The following AFF4 variants were observed in gnomAD, a reference collection of about 807,000 sequenced individuals.
AFF4 encodes the protein ALF transcription elongation factor 4.
Under a neutral mutation model 124.8 loss-of-function variants are expected in AFF4, and 13 were observed. The observed-to-expected ratio is 0.10, with a 90% CI of 0.07 to 0.17. The LOEUF is 0.17. Among genes scored for constraint, AFF4 ranks in the 10% least tolerant of loss-of-function variants. The pLI is 1.00. For synonymous variants in AFF4, 477 were observed against 496.1 expected (o/e 0.96, Z 0.51); for missense variants, 1,092 against 1,403.8 (o/e 0.78, Z 3.55).
chr5:132,897,384 CTGAGTATTGACTA>C, intron 10 of AFF4, 144 bp from the exon 11 acceptor site: 8 of 848,124 alleles, frequency 9.4e-6, no homozygotes, highest in Non-Finnish European at 1.3e-5. Flanking sequence ...AAGCAAAGGG[CTGAGTATTGACTA>C]TTAGCTCTTA....
At chr5:132,929,820 G>A (rs1761260106) in intron 4 of AFF4, among the ~76,000 whole-genome samples, 1 of 152,154 alleles carries the variant, frequency 6.6e-6, no homozygotes, top group Admixed American at 6.5e-5. Context: ...AGACCACAGG[G>A]CCTGAAGTAA....
chr5:132,886,770 A>G (rs1247907941), intron 17 of AFF4, among the ~76,000 whole-genome samples: 1 of 152,250 alleles, frequency 6.6e-6, no homozygotes, highest in Non-Finnish European at 1.5e-5. Flanking sequence ...CAAATATTAC[A>G]AACCACAACA....
At chr5:132,947,542 AAC>A (rs1200527368) in intron 1 of AFF4, among the ~76,000 whole-genome samples, 6 of 152,170 alleles carry the variant, frequency 3.9e-5, no homozygotes, top group Admixed American at 1.3e-4. Context: ...CCTACTGAAA[AAC>A]AGAGTCATTC....
At chr5:132,919,035 C>CAT (rs1422411143) in intron 5 of AFF4, among the ~76,000 whole-genome samples, 1 of 151,988 alleles carries the variant, frequency 6.6e-6, no homozygotes, top group Non-Finnish European at 1.5e-5. Flanking sequence ...TGTGCACCAC[C>CAT]ATGCCCCGTG....
chr5:132,887,127 G>A (rs535928033), intron 17 of AFF4, among the ~76,000 whole-genome samples: 2 of 152,258 alleles, frequency 1.3e-5, no homozygotes, highest in East Asian at 1.9e-4. Flanking sequence ...TGTAACAATC[G>A]AACTGATAAT....
At chr5:132,911,007 G>A (rs1760781605) in intron 5 of AFF4, among the ~76,000 whole-genome samples, 1 of 152,126 alleles carries the variant, frequency 6.6e-6, no homozygotes, top group South Asian at 2.1e-4. Flanking sequence ...TCCCTCTGGT[G>A]CCAATGAAGT....
At chr5:132,944,804 C>G (rs1761657290) in intron 1 of AFF4, among the ~76,000 whole-genome samples, 1 of 151,688 alleles carries the variant, frequency 6.6e-6, no homozygotes, top group Non-Finnish European at 1.5e-5. Context: ...GTGGCAGGCG[C>G]CTGTAATCCC....
At position 132,880,855 on chromosome 5, in the gene AFF4, T is replaced by C. The variant is rs1189268662; in HGVS notation, c.*204A>G. 1 of 480,062 alleles carries C rather than the reference T, an allele frequency of 2.1e-6. No homozygotes were observed. The highest frequency in any genetic ancestry group is 2.0e-5 in the African/African-American group (1 of 49,990). The allele number at this position is 480,062 out of a possible 1,614,324, so 29.7% of individuals were successfully genotyped here. ...TCAATGTGCTGCAGATTTAAAAGCA[T>C]TTAAATAATCTTTCACATTGGAAAT... On this transcript the variant is annotated 3_prime_UTR_variant, in exon 21 of 21. Coordinates refer to ENST00000265343, the MANE Select transcript of AFF4 (RefSeq NM_014423.4).
intron 8 of AFF4, 140 bp from the exon 9 acceptor site, chr5:132,899,281 T>C (rs575335276): frequency 1.3e-6 from 1 of 772,396 alleles, no homozygotes; most frequent in South Asian, 2.1e-5. Flanking sequence ...ATACTGTTTT[T>C]ACCTGAAGAG....
Position 132,876,398 on chromosome 5 carries a change from A to C in AFF4, c.*4661T>G, listed in dbSNP as rs1352327633. ...AGGAACATAGCAGGTAGAAAATTCC[A>C]ATGGTTAAAAGCTGAAAAGAAGTCC... On this transcript the variant is annotated 3_prime_UTR_variant, in exon 21 of 21. Coordinates refer to ENST00000265343, the MANE Select transcript of AFF4 (RefSeq NM_014423.4). The C allele has an allele frequency of 8.8e-6, 2 of 226,518 alleles. No individual in the cohort carries two copies. The highest frequency in any genetic ancestry group is 1.3e-4 in the East Asian group (2 of 15,702). The allele number at this position is 226,518 out of a possible 1,614,324, so 14.0% of individuals were successfully genotyped here. A position where few individuals can be genotyped will look rare whatever the true frequency, so the allele number is the denominator to read the frequency against.
intron 5 of AFF4, among the ~76,000 whole-genome samples, chr5:132,911,542 A>G (rs904935797): frequency 6.6e-6 from 1 of 152,004 alleles, no homozygotes; most frequent in Non-Finnish European, 1.5e-5. Context: ...GCAATACAGT[A>G]TAAGACCTCC....
chr5:132,892,015 T>A (rs1053679148), intron 13 of AFF4, 149 bp downstream of exon 13: 287 of 1,185,994 alleles, frequency 2.4e-4, no homozygotes, highest in African/African-American at 6.7e-4. Flanking sequence ...CTGTATTCAT[T>A]TATCAGGATT....
rs779909037 is a variant in AFF4, at chr5:132,892,261, C to T, written c.2540G>A (p.Ser847Asn). 6.2e-7 allele frequency: 1 copy of T among 1,614,074 alleles called. No homozygotes were observed. Among genetic ancestry groups the T allele is most frequent in the South Asian group, 1.1e-5 (1 of 91,082 alleles). Residue 847 changes from serine (S) to asparagine (N), a missense_variant, in exon 13 of 21, where the codon AGC becomes AAC. Ser to Asn is a conservative substitution (Grantham distance 46). Around this residue, in one of 11 missense-constraint regions of AFF4, gnomAD observed 293 missense variants for 280.2 expected, o/e 1.05. Transcript: ENST00000265343. Reference sequence around the variant, plus strand: ...GCTGCTGCCACTCGTCTCCTTGTTGCTGTTACTGCTTGACTTTAAGGAAGA... The same window carrying T: ...GCTGCTGCCACTCGTCTCCTTGTTGTTGTTACTGCTTGACTTTAAGGAAGA... ...QSSSLKSSSN[S>N]NKETSGSSKN...
At position 132,880,906 on chromosome 5, in the gene AFF4, C is replaced by T; in HGVS notation, c.*153G>A. 2.2e-6 allele frequency: 2 copies of T among 928,546 alleles called. No homozygotes were observed. The highest frequency in any genetic ancestry group is 3.1e-6 in the Non-Finnish European group (2 of 646,646). 57.5% of individuals were successfully genotyped at this position (928,546 alleles called of 1,614,324 possible). A position where few individuals can be genotyped will look rare whatever the true frequency, so the allele number is the denominator to read the frequency against. On this transcript the variant is annotated 3_prime_UTR_variant, in exon 21 of 21. Coordinates refer to ENST00000265343, the MANE Select transcript of AFF4 (RefSeq NM_014423.4). ...ATTAAAGGGCCAACTGACATGATCGCTTTGGATTATCAAAAACAACAACAC... is the reference window on the plus strand; with the variant it reads ...ATTAAAGGGCCAACTGACATGATCGTTTTGGATTATCAAAAACAACAACAC...
chr5:132,885,261 TG>T, intron 18 of AFF4, 142 bp from the exon 19 acceptor site: 1 of 470,752 alleles, frequency 2.1e-6, no homozygotes, highest in South Asian at 3.5e-5. Context: ...TGTGTGTGTG[TG>T]TGTGTGTGTG....
intron 1 of AFF4, chr5:132,937,502 T>C (rs559044369): frequency 5.7e-6 from 1 of 176,988 alleles, no homozygotes; most frequent in Non-Finnish European, 1.2e-5. Context: ...AGAGGGAACG[T>C]AGTATTTGAA....
intron 20 of AFF4, among the ~76,000 whole-genome samples, chr5:132,881,826 AGT>A (rs764161760): frequency 6.7e-6 from 1 of 148,312 alleles, no homozygotes; most frequent in Non-Finnish European, 1.5e-5. Context: ...AATACAAAAA[AGT>A]TTTTTTTTTT....
chr5:132,940,065 T>C (rs1450018645), intron 1 of AFF4, among the ~76,000 whole-genome samples: 1 of 152,014 alleles, frequency 6.6e-6, no homozygotes, highest in Non-Finnish European at 1.5e-5. Context: ...CCTGCCGTGG[T>C]AGCAGGTGCC....
chr5:132,938,880 T>C (rs898836635), intron 1 of AFF4, among the ~76,000 whole-genome samples: 10 of 136,434 alleles, frequency 7.3e-5, no homozygotes, highest in Admixed American at 4.2e-4. Flanking sequence ...GAGGCAGAGA[T>C]TGCAGTGAGC....
Sources: gnomAD v4.1 joint callset for allele counts (sites outside exome capture counted in the v4.1 genomes callset) on GRCh38, gnomAD v4.1.1 for gene constraint, gnomAD v4.1.1 regional missense constraint, MANE v1.5 for transcripts, NCBI Gene and HGNC (gene_info 2026-07-23, HGNC 2026-07-21) for gene names.